Variants in CDC42BPA observed in about 807,000 individuals in gnomAD.
The protein encoded by CDC42BPA is serine/threonine-protein kinase MRCK alpha.
In CDC42BPA, 80 loss-of-function variants were observed where a neutral mutation model predicts 223.5. That is an observed-to-expected ratio of 0.36 (90% CI 0.30 to 0.43). The LOEUF is 0.43. Among genes scored for constraint, CDC42BPA ranks in the 20% least tolerant of loss-of-function variants. The pLI is 1.00. For missense variants in CDC42BPA, 1,743 were observed against 2,099.9 expected (o/e 0.83, Z 3.32); for synonymous variants, 694 against 718.6 (o/e 0.97, Z 0.55).
At position 227,288,014 on chromosome 1, in the gene CDC42BPA, T is replaced by C. The variant is rs375407069; in HGVS notation, c.178+28991A>G. The stretch of plus-strand genomic sequence containing the variant: ...CTTGGTTTCCTCCGGCTTTGCTCCA[T>C]TAGCCTTTTCCCTTTGTTGATTTTG... On this transcript the variant is annotated intron_variant, in intron 1 of 36. Transcript: ENST00000366766. Among the ~76,000 whole-genome samples, 269 of 152,308 alleles carry C rather than the reference T, an allele frequency of 1.8e-3. 4 individuals are homozygous for C. The South Asian group carries it at 0.054, about 31-fold the overall frequency.
intron 14 of CDC42BPA, 134 bp from the exon 15 acceptor site, chr1:227,101,373 T>C: frequency 3.8e-6 from 2 of 524,014 alleles, no homozygotes; most frequent in Non-Finnish European, 6.3e-6. Flanking sequence ...AAATTCTATG[T>C]TAAATCTACT....
chr1:227,266,499 G>A (rs1054979712), intron 1 of CDC42BPA, among the ~76,000 whole-genome samples: 6 of 152,096 alleles, frequency 3.9e-5, no homozygotes, highest in Non-Finnish European at 5.9e-5. Flanking sequence ...TTGTGTTTTC[G>A]ATCACTGTTA....
intron 4 of CDC42BPA, among the ~76,000 whole-genome samples, chr1:227,196,491 C>A (rs1263282700): frequency 6.6e-6 from 1 of 152,000 alleles, no homozygotes; most frequent in Middle Eastern, 3.4e-3. Context: ...AGGCGCCCAC[C>A]ACCACACCCG....
intron 5 of CDC42BPA, among the ~76,000 whole-genome samples, chr1:227,179,674 A>G (rs1667609547): frequency 6.8e-6 from 1 of 147,164 alleles, no homozygotes; most frequent in Non-Finnish European, 1.5e-5. Flanking sequence ...ATTTTAAAAG[A>G]CTATTTACAA....
intron 35 of CDC42BPA, among the ~76,000 whole-genome samples, chr1:227,001,998 G>A (rs937081098): frequency 3.3e-5 from 5 of 152,136 alleles, no homozygotes; most frequent in African/African-American, 1.2e-4. Context: ...CCTGGAGGCC[G>A]ATTTTAGGCT....
chr1:227,035,276 C>T (rs558253710), intron 25 of CDC42BPA, among the ~76,000 whole-genome samples, 195 bp downstream of exon 25: 4 of 152,272 alleles, frequency 2.6e-5, no homozygotes, highest in East Asian at 1.9e-4. Context: ...AAACTTGAGA[C>T]ATTTTATAAC....
intron 21 of CDC42BPA, among the ~76,000 whole-genome samples, chr1:227,058,106 GTTTT>G (rs1315927514): frequency 2.0e-5 from 3 of 152,020 alleles, no homozygotes; most frequent in Non-Finnish European, 4.4e-5. Flanking sequence ...ATATCTAATG[GTTTT>G]AAGTCTCTAC....
chr1:227,124,143 G>A (rs1342474486), intron 11 of CDC42BPA, among the ~76,000 whole-genome samples: 1 of 152,018 alleles, frequency 6.6e-6, no homozygotes, highest in Non-Finnish European at 1.5e-5. Flanking sequence ...GGAATATAGT[G>A]GGAAAACCTA....
intron 2 of CDC42BPA, among the ~76,000 whole-genome samples, chr1:227,249,091 T>C (rs1006894057): frequency 3.4e-4 from 52 of 152,124 alleles, no homozygotes; most frequent in African/African-American, 1.2e-3. Flanking sequence ...AACAGACACA[T>C]AGATTAATGA....
intron 7 of CDC42BPA, 108 bp from the exon 8 acceptor site, chr1:227,145,845 A>G (rs914261385): frequency 2.5e-5 from 21 of 825,830 alleles, no homozygotes; most frequent in Non-Finnish European, 7.3e-6. Context: ...AATATATCTA[A>G]TAACTGCATG....
intron 5 of CDC42BPA, among the ~76,000 whole-genome samples, chr1:227,167,305 G>A (rs559805706): frequency 1.3e-5 from 2 of 152,212 alleles, no homozygotes; most frequent in East Asian, 3.9e-4. Context: ...AAAAGAAGTT[G>A]TCCAAAAGTT....
In CDC42BPA at chr1:227,318,115, C is replaced by G. The variant is rs1243780751; in HGVS notation, c.-933G>C. On this transcript the variant is annotated 5_prime_UTR_variant, in exon 1 of 37. Coordinates refer to ENST00000366766, the MANE Select transcript of CDC42BPA (RefSeq NM_001394014.1). Reference sequence around the variant, plus strand: ...GAGAGCCCGGTCTCCCCGACACCCGCACCGGGCCGCCGCGCCGGAGGCTCC... The same window carrying G: ...GAGAGCCCGGTCTCCCCGACACCCGGACCGGGCCGCCGCGCCGGAGGCTCC... 1 of 71,362 alleles carries G rather than the reference C, an allele frequency of 1.4e-5. No individual in the cohort carries two copies. The highest frequency in any genetic ancestry group is 5.1e-4 in the Admixed American group (1 of 1,950). 4.4% of individuals were successfully genotyped at this position (71,362 alleles called of 1,614,324 possible). A position where few individuals can be genotyped will look rare whatever the true frequency, so the allele number is the denominator to read the frequency against.
At chr1:227,025,577 ATAT>A (rs1668113784) in intron 31 of CDC42BPA, among the ~76,000 whole-genome samples, 1 of 152,188 alleles carries the variant, frequency 6.6e-6, no homozygotes, top group African/African-American at 2.4e-5. Context: ...ATTAAGAAAA[ATAT>A]TATGTTTTAT....
At chr1:227,037,897 C>G (rs986136771) in intron 24 of CDC42BPA, among the ~76,000 whole-genome samples, 1 of 152,042 alleles carries the variant, frequency 6.6e-6, no homozygotes, top group Non-Finnish European at 1.5e-5. Flanking sequence ...AAGAATGAGA[C>G]ATCAATTTGA....
At chr1:227,091,175 T>C (rs570805056) in intron 16 of CDC42BPA, among the ~76,000 whole-genome samples, 2 of 152,052 alleles carry the variant, frequency 1.3e-5, no homozygotes, top group South Asian at 4.2e-4. Flanking sequence ...CTGAACTTAT[T>C]AGCCATCCGT....
intron 2 of CDC42BPA, among the ~76,000 whole-genome samples, chr1:227,233,836 G>T (rs1678489215): frequency 6.6e-6 from 1 of 152,102 alleles, no homozygotes; most frequent in Non-Finnish European, 1.5e-5. Flanking sequence ...AGGAGGCTGA[G>T]GCAGGAGAAT....
At chr1:227,161,100 G>A (rs2149806857) in intron 5 of CDC42BPA, among the ~76,000 whole-genome samples, 1 of 152,250 alleles carries the variant, frequency 6.6e-6, no homozygotes, top group East Asian at 1.9e-4. Context: ...CAAAGAAATT[G>A]CTTCATAAAG....
At chr1:227,277,271 T>C (rs993557645) in intron 1 of CDC42BPA, among the ~76,000 whole-genome samples, 2 of 152,026 alleles carry the variant, frequency 1.3e-5, no homozygotes, top group African/African-American at 2.4e-5. Context: ...AATAAAGAAA[T>C]TGAATCCATA....
intron 1 of CDC42BPA, among the ~76,000 whole-genome samples, chr1:227,255,634 A>T (rs1276821754): frequency 6.6e-6 from 1 of 152,196 alleles, no homozygotes; most frequent in African/African-American, 2.4e-5. Context: ...TGCCTGGGCA[A>T]AACAGCAAGA....
Sources: gnomAD v4.1 joint callset for allele counts (sites outside exome capture counted in the v4.1 genomes callset) on GRCh38, gnomAD v4.1.1 for gene constraint, MANE v1.5 for transcripts, NCBI Gene and HGNC (gene_info 2026-07-23, HGNC 2026-07-21) for gene names.